Variants in PEX5 observed in about 807,000 individuals in gnomAD.
PEX5 encodes peroxisomal biogenesis factor 5, also known as PTS1 receptor.
In PEX5, 52 loss-of-function variants were observed where a neutral mutation model predicts 82.9. The observed-to-expected ratio is 0.63, with a 90% CI of 0.50 to 0.79. PEX5 has a LOEUF of 0.79. PEX5 is among the 30% of genes least tolerant of loss of function. PEX5 has a pLI of 0.00. For synonymous variants in PEX5, 300 were observed against 318.8 expected (o/e 0.94, Z 0.63); for missense variants, 719 against 815.2 (o/e 0.88, Z 1.44).
At position 7,202,609 on chromosome 12, in the gene PEX5, C is replaced by T; in HGVS notation, c.754-3C>T. The stretch of plus-strand genomic sequence containing the variant: ...TGGTACTGACCATCCTTTTTTGTCG[C>T]AGGGTACATCAGATGCCTGGGTTGA... On this transcript the variant is annotated splice_region_variant and splice_polypyrimidine_tract_variant and intron_variant, in intron 8 of 15. Transcript: ENST00000675855. The T allele has an allele frequency of 1.2e-6, 2 of 1,613,342 alleles. No homozygotes were observed. Among genetic ancestry groups the T allele is most frequent in the Non-Finnish European group, 1.7e-6 (2 of 1,179,354 alleles).
intron 5 of PEX5, among the ~76,000 whole-genome samples, chr12:7,197,811 C>T (rs1367012500): frequency 1.3e-5 from 2 of 152,068 alleles, no homozygotes; most frequent in Non-Finnish European, 2.9e-5. Context: ...CACACCCCTG[C>T]CCAAATGTCC....
rs769741088 is a variant in PEX5, at chr12:7,207,654, TGTAGGG to T, written c.967-1_971del. 3 of 1,614,074 alleles carry T rather than the reference TGTAGGG, an allele frequency of 1.9e-6. No individual in the cohort carries two copies. The highest frequency in any genetic ancestry group is 2.5e-6 in the Non-Finnish European group (3 of 1,179,956). Reference sequence around the variant, plus strand: ...CAGTCCATCTCTCACGTGCTTTTCTTGTAGGGGTACCAGTTTGAGGAGGAGAACCCC... The same window carrying T: ...CAGTCCATCTCTCACGTGCTTTTCTTGTACCAGTTTGAGGAGGAGAACCCC... On this transcript the variant is annotated splice_acceptor_variant and splice_polypyrimidine_tract_variant and coding_sequence_variant and intron_variant, in exon 11 of 16. Coordinates refer to ENST00000675855, the MANE Select transcript of PEX5 (RefSeq NM_001351132.2). LOFTEE classifies it high-confidence loss of function.
At chr12:7,212,254 C>T (rs9971639), downstream of PEX5, among the ~76,000 whole-genome samples, 7,587 of 151,014 alleles carry the variant, frequency 0.05, 660 homozygotes, top group African/African-American at 0.17. Flanking sequence ...CGTGAGCCAC[C>T]GTGCCCAGCC....
At chr12:7,211,486 TCTG>T (rs1348752031), downstream of PEX5, 4 of 152,256 alleles carry the variant, frequency 2.6e-5, no homozygotes, top group East Asian at 3.8e-4. Context: ...GGGTATGAGT[TCTG>T]CTGGTCATGA....
chr12:7,203,337 A>G, intron 9 of PEX5, 95 bp from the exon 10 acceptor site: 2 of 1,385,954 alleles, frequency 1.4e-6, no homozygotes, highest in Non-Finnish European at 2.0e-6. Flanking sequence ...TTGAAATTCA[A>G]GAACTGCTGC....
At position 7,202,283 on chromosome 12, in the gene PEX5, C is replaced by G. The variant is rs766827947; in HGVS notation, c.685C>G (p.Leu229Val). The G allele has an allele frequency of 1.2e-5, 20 of 1,613,932 alleles. No homozygotes were observed. Among genetic ancestry groups the G allele is most frequent in the Non-Finnish European group, 5.9e-6 (7 of 1,180,018 alleles). The change falls in exon 8 of 16, where the codon CTG becomes GTG. Residue 229 changes from leucine to valine, a missense_variant. By Grantham distance (32) the Leu-to-Val change is conservative. Coordinates refer to ENST00000675855, the MANE Select transcript of PEX5 (RefSeq NM_001351132.2). ...GCAGATTGGCGAAGGGCAGGTGTCC[C>G]TGGAGTCCGGTGCAGGGTCGGGCCG... ...VRQIGEGQVS[L>V]ESGAGSGRAQ...
rs1314683233 is a variant in PEX5 at position 7,190,480 on chromosome 12, T to C, written c.103T>C (p.Leu35=). 8.7e-6 allele frequency: 14 copies of C among 1,613,878 alleles called. No individual in the cohort carries two copies. Among genetic ancestry groups the C allele is most frequent in the Non-Finnish European group, 1.1e-5 (13 of 1,179,950 alleles). The change falls in exon 2 of 16, where the codon TTG becomes CTG. Residue 35 remains leucine (L), a synonymous_variant. Coordinates refer to ENST00000675855, the MANE Select transcript of PEX5 (RefSeq NM_001351132.2). The part of the protein sequence containing the change: ...TQDKALRQEG[L]RPGPWPPGAP... ...GGACAAGGCCCTTCGGCAGGAGGGATTGAGGCCTGGCCCCTGGCCCCCCGG... is the reference window on the plus strand; with the variant it reads ...GGACAAGGCCCTTCGGCAGGAGGGACTGAGGCCTGGCCCCTGGCCCCCCGG...
rs189631769 is a variant in PEX5 at position 7,201,744 on chromosome 12, G to T, written c.552-7G>T. On this transcript the variant is annotated splice_polypyrimidine_tract_variant and splice_region_variant and intron_variant, in intron 6 of 15. Coordinates refer to ENST00000675855, the MANE Select transcript of PEX5 (RefSeq NM_001351132.2). ...TAATGTGTAAAATTAGTTCTTACCC[G>T]TTCCAGGTATGATGAATATCATCCT... The T allele has an allele frequency of 4.4e-6, 7 of 1,607,404 alleles. No individual in the cohort carries two copies. Among genetic ancestry groups the T allele is most frequent in the South Asian group, 3.3e-5 (3 of 90,938 alleles).
rs1010865179 is a variant in PEX5 at position 7,197,420 on chromosome 12, A to G, written c.449-1591A>G. 3.3e-4 allele frequency among the ~76,000 whole-genome samples: 45 copies of G among 135,274 alleles called. 7 individuals carry two copies. Among genetic ancestry groups the G allele is most frequent in the Non-Finnish European group, 6.1e-4 (39 of 63,966 alleles). 88.7% of individuals were successfully genotyped at this position (135,274 alleles called of 152,430 possible). ...TATATATGTCATATACAATGTAATT[A>G]TATGTCATATACAATGTAATTATGT... On this transcript the variant is annotated intron_variant, in intron 5 of 15. Coordinates refer to ENST00000675855, the MANE Select transcript of PEX5 (RefSeq NM_001351132.2).
chr12:7,201,805 G>T lies in PEX5; in HGVS notation c.606G>T (p.Val202=), dbSNP rs1591753697. 1 of 1,613,718 alleles carries T rather than the reference G, an allele frequency of 6.2e-7. No homozygotes were observed. The highest frequency in any genetic ancestry group is 8.5e-7 in the Non-Finnish European group (1 of 1,179,806). Residue 202 remains valine, a synonymous_variant, in exon 7 of 16, where the codon GTG becomes GTT. Transcript: ENST00000675855. The part of the protein sequence containing the change: ...EDLQHTASDF[V]AKVDDPKLAN... Reference sequence around the variant, plus strand: ...TGCAGCACACGGCCAGTGACTTTGTGGCCAAAGTGGATGACCCCAAATTGG... The same window carrying T: ...TGCAGCACACGGCCAGTGACTTTGTTGCCAAAGTGGATGACCCCAAATTGG...
At position 7,191,679 on chromosome 12, in the gene PEX5, G is replaced by A. The variant is rs1357032287; in HGVS notation, c.427G>A (p.Glu143Lys). The stretch of plus-strand genomic sequence containing the variant: ...TTATAATGAGACTGACTGGTCCCAA[G>A]AATTCATCTCTGAAGTTACAGGTGA... ...QDYNETDWSQEFISEVTDPLS... is the reference protein window; with the variant it reads ...QDYNETDWSQKFISEVTDPLS... The change falls in exon 5 of 16, where the codon GAA becomes AAA. Residue 143 changes from glutamate to lysine, a missense_variant. Coordinates refer to ENST00000675855, the MANE Select transcript of PEX5 (RefSeq NM_001351132.2). 3.7e-6 allele frequency: 6 copies of A among 1,613,820 alleles called. No individual in the cohort carries two copies. Among genetic ancestry groups the A allele is most frequent in the Non-Finnish European group, 5.1e-6 (6 of 1,179,818 alleles).
chr12:7,202,453 T>G, intron 8 of PEX5, 102 bp downstream of exon 8: 1 of 1,486,582 alleles, frequency 6.7e-7, no homozygotes, highest in South Asian at 1.2e-5. Context: ...TAAGACCAGC[T>G]TGTCTTGATA....
rs1945218881 is a variant in PEX5 at position 7,209,240 on chromosome 12, C to T, written c.1560+70C>T. On this transcript the variant is annotated intron_variant, in intron 14 of 15. Coordinates refer to ENST00000675855, the MANE Select transcript of PEX5 (RefSeq NM_001351132.2). ...TATTGAAGAGCCATTTGTTGGGAAGCTGGGTTTGATGGTGCATGCCTGTAG... is the reference window on the plus strand; with the variant it reads ...TATTGAAGAGCCATTTGTTGGGAAGTTGGGTTTGATGGTGCATGCCTGTAG... 36 of 1,527,384 alleles carry T rather than the reference C, an allele frequency of 2.4e-5. No homozygotes were observed. In the South Asian group the frequency reaches 3.6e-4, roughly 15 times the overall value. The allele number at this position is 1,527,384 out of a possible 1,614,324, so 94.6% of individuals were successfully genotyped here. A position where few individuals can be genotyped will look rare whatever the true frequency, so the allele number is the denominator to read the frequency against.
Position 7,190,425 on chromosome 12 carries a change from G to C in PEX5, c.48G>C (p.Pro16=), listed in dbSNP as rs147958315. The change falls in exon 2 of 16, where the codon CCG becomes CCC. Residue 16 remains proline, a synonymous_variant. Coordinates refer to ENST00000675855, the MANE Select transcript of PEX5 (RefSeq NM_001351132.2). ...LVEAECGGAN[P]LMKLAGHFTQ... ...AGGCCGAATGCGGGGGTGCCAACCC[G>C]CTCATGAAGCTCGCCGGGCACTTCA... 19 of 1,614,102 alleles carry C rather than the reference G, an allele frequency of 1.2e-5. No homozygotes were observed. In the African/African-American group the frequency reaches 2.4e-4, roughly 20 times the overall value.
chr12:7,209,745 A>G lies in PEX5; in HGVS notation c.1623A>G (p.Ala541=). ...CCAATGGAAACCAGAGTGAAGAAGC[A>G]GTAGCTGCGTACCGCCGGGCCCTCG... ...TLANGNQSEE[A]VAAYRRALEL... Residue 541 remains alanine, a synonymous_variant, in exon 15 of 16, where the codon GCA becomes GCG. Coordinates refer to ENST00000675855, the MANE Select transcript of PEX5 (RefSeq NM_001351132.2). 6.2e-7 allele frequency: 1 copy of G among 1,614,250 alleles called. No individual in the cohort carries two copies.
At chr12:7,200,013 A>G (rs11043978) in intron 6 of PEX5, among the ~76,000 whole-genome samples, 35,750 of 106,278 alleles carry the variant, frequency 0.34, 7,735 homozygotes, top group African/African-American at 0.45. Context: ...GCGGCTGGCC[A>G]GGCGGGGGGC....
At chr12:7,194,341 T>TCTGTATAC (rs891226563) in intron 5 of PEX5, among the ~76,000 whole-genome samples, 4 of 152,198 alleles carry the variant, frequency 2.6e-5, no homozygotes, top group African/African-American at 9.7e-5. Flanking sequence ...ATAGGAAGGT[T>TCTGTATAC]CTGTATACCC....
At chr12:7,196,203 T>C (rs1163480182) in intron 5 of PEX5, among the ~76,000 whole-genome samples, 2 of 137,766 alleles carry the variant, frequency 1.5e-5, no homozygotes, top group African/African-American at 2.6e-5. Flanking sequence ...TAATATATGT[T>C]ATGTAATAAT....
chr12:7,197,252 TATGTAATAATTATATATGTCATATATA>T lies in PEX5; in HGVS notation c.449-1724_449-1698del, dbSNP rs1416810576. ...TGTCATATGTAATAATTATATGTCA[TATGTAATAATTATATATGTCATATATA>T]ATGTAATAATTATATATGTCATATA... On this transcript the variant is annotated intron_variant, in intron 5 of 15. Transcript: ENST00000675855. Among the ~76,000 whole-genome samples the T allele has an allele frequency of 1.8e-3, 28 of 15,440 alleles. 1 individual carries two copies. In the South Asian group the frequency reaches 0.039, roughly 21 times the overall value. The allele number at this position is 15,440 out of a possible 152,430, so 10.1% of individuals were successfully genotyped here.
Sources: gnomAD v4.1 joint callset for allele counts (sites outside exome capture counted in the v4.1 genomes callset) on GRCh38, gnomAD v4.1.1 for gene constraint, MANE v1.5 for transcripts, NCBI Gene and HGNC (gene_info 2026-07-23, HGNC 2026-07-21) for gene names.